The following LRRC4C variants were observed in gnomAD, a reference collection of about 807,000 sequenced individuals.
The protein encoded by LRRC4C is leucine rich repeat containing 4C.
A neutral mutation model predicts 33.6 loss-of-function variants in LRRC4C; 5 were observed. The ratio of observed to expected loss-of-function variants is 0.15; its 90% confidence interval spans 0.08 to 0.31. LRRC4C has a LOEUF of 0.31. Ranked by LOEUF, LRRC4C falls within the 10% of genes least tolerant of loss-of-function variation. LRRC4C has a pLI of 1.00. For synonymous variants in LRRC4C, 329 were observed against 302.0 expected (o/e 1.09, Z -0.93); for missense variants, 560 against 796.7 (o/e 0.70, Z 3.58).
intron 5 of LRRC4C, among the ~76,000 whole-genome samples, chr11:40,169,096 C>T (rs1859835688): frequency 6.6e-6 from 1 of 152,096 alleles, no homozygotes; most frequent in African/African-American, 2.4e-5. Context: ...TGAGTATGCA[C>T]TCTCATTGAC....
chr11:41,333,192 C>T (rs1305383410), intron 1 of LRRC4C, among the ~76,000 whole-genome samples: 1 of 152,032 alleles, frequency 6.6e-6, no homozygotes, highest in Non-Finnish European at 1.5e-5. Flanking sequence ...TCTCTAAATG[C>T]TTTGTAATTG....
chr11:40,151,472 T>C (rs1858203264), intron 5 of LRRC4C, among the ~76,000 whole-genome samples: 1 of 152,182 alleles, frequency 6.6e-6, no homozygotes, highest in Admixed American at 6.5e-5. Context: ...ATTTGTATCA[T>C]CAAAATAATA....
intron 3 of LRRC4C, among the ~76,000 whole-genome samples, chr11:40,607,299 G>C (rs569000594): frequency 6.6e-6 from 1 of 152,084 alleles, no homozygotes; most frequent in African/African-American, 2.4e-5. Context: ...TTCACCTTCC[G>C]GCCTCTGCCC....
chr11:41,065,253 G>C (rs750983783), intron 1 of LRRC4C, among the ~76,000 whole-genome samples: 1 of 152,148 alleles, frequency 6.6e-6, no homozygotes, highest in Non-Finnish European at 1.5e-5. Context: ...TTTTGTAGGT[G>C]GTTTTCCCCT....
chr11:40,263,416 T>G (rs1942011156), intron 4 of LRRC4C, among the ~76,000 whole-genome samples: 1 of 152,174 alleles, frequency 6.6e-6, no homozygotes, highest in African/African-American at 2.4e-5. Flanking sequence ...TTTCAGTATT[T>G]CCCAAGCAAG....
At chr11:41,078,274 CTG>C (rs1261055532) in intron 1 of LRRC4C, among the ~76,000 whole-genome samples, 1 of 152,180 alleles carries the variant, frequency 6.6e-6, no homozygotes, top group Non-Finnish European at 1.5e-5. Context: ...GCCCTCCAAA[CTG>C]TTCCAACTTC....
chr11:41,408,756 A>AAAAAACAAACAAAC (rs1555167143), intron 1 of LRRC4C, among the ~76,000 whole-genome samples: 7 of 140,742 alleles, frequency 5.0e-5, no homozygotes, highest in African/African-American at 1.9e-4. Flanking sequence ...GTAAAAAAAA[A>AAAAAACAAACAAAC]AAAAAAAAAA....
intron 1 of LRRC4C, among the ~76,000 whole-genome samples, chr11:41,285,093 G>C (rs1175273262): frequency 2.0e-5 from 3 of 152,170 alleles, no homozygotes; most frequent in Non-Finnish European, 2.9e-5. Context: ...GCCCTGATCT[G>C]TTTGGTAAAG....
Position 40,257,671 on chromosome 11 carries a change from G to C in LRRC4C, c.-175-16073C>G, listed in dbSNP as rs1867323678. Among the ~76,000 whole-genome samples, 4 of 152,236 alleles carry C rather than the reference G, an allele frequency of 2.6e-5. No homozygotes were observed. In the South Asian group the frequency reaches 8.3e-4, roughly 32 times the overall value. On this transcript the variant is annotated intron_variant, in intron 4 of 6. Coordinates refer to ENST00000528697, the MANE Select transcript of LRRC4C (RefSeq NM_001258419.2). ...CGGCTTAGTAAAGAGTTCTGAGAAAGTTTTCCCTACTTTTAAAAGACTTAA... is the reference window on the plus strand; with the variant it reads ...CGGCTTAGTAAAGAGTTCTGAGAAACTTTTCCCTACTTTTAAAAGACTTAA...
At chr11:41,138,611 C>T (rs566403186) in intron 1 of LRRC4C, among the ~76,000 whole-genome samples, 4 of 152,174 alleles carry the variant, frequency 2.6e-5, no homozygotes, top group Admixed American at 2.0e-4. Flanking sequence ...TATTTATAGG[C>T]CGATCTCTAG....
intron 2 of LRRC4C, among the ~76,000 whole-genome samples, chr11:40,760,158 C>G (rs1473347261): frequency 6.6e-6 from 1 of 151,530 alleles, no homozygotes; most frequent in African/African-American, 2.4e-5. Flanking sequence ...TTTTGTATAA[C>G]TTATAAACTA....
chr11:40,679,853 T>C lies in LRRC4C; in HGVS notation c.-406-31575A>G, dbSNP rs1003201174. Among the ~76,000 whole-genome samples, 6 of 152,162 alleles carry C rather than the reference T, an allele frequency of 3.9e-5. No individual in the cohort carries two copies. The South Asian group carries it at 1.2e-3, about 32-fold the overall frequency. On this transcript the variant is annotated intron_variant, in intron 2 of 6. Transcript: ENST00000528697. ...GGTCAGATCCCCCACACATAATCCC[T>C]ACTGGGGTACTGCCTAGTGAACTGT...
In LRRC4C at chr11:41,224,301, G is replaced by A. The variant is rs141259586; in HGVS notation, c.-496+235130C>T. ...CCCCTCACTATTTCATTGCCAATAA[G>A]AGAAATGACTTATTTTACGGGACTA... On this transcript the variant is annotated intron_variant, in intron 1 of 6. Transcript: ENST00000528697. Among the ~76,000 whole-genome samples the A allele has an allele frequency of 3.3e-5, 5 of 152,170 alleles. 1 individual carries two copies. In the East Asian group the frequency reaches 5.8e-4, roughly 18 times the overall value.
At chr11:40,474,593 T>G (rs970434748) in intron 3 of LRRC4C, among the ~76,000 whole-genome samples, 7 of 152,102 alleles carry the variant, frequency 4.6e-5, no homozygotes, top group Non-Finnish European at 7.3e-5. Flanking sequence ...GGGATCTAAT[T>G]AAACTAAAGA....
At chr11:40,536,749 CA>C (rs1956491564) in intron 3 of LRRC4C, among the ~76,000 whole-genome samples, 1 of 152,042 alleles carries the variant, frequency 6.6e-6, no homozygotes, top group African/African-American at 2.4e-5. Flanking sequence ...TAGGTGAACA[CA>C]ATGCCATCTT....
At chr11:40,305,254 T>C (rs911568721) in intron 4 of LRRC4C, among the ~76,000 whole-genome samples, 4 of 152,206 alleles carry the variant, frequency 2.6e-5, no homozygotes, top group African/African-American at 9.6e-5. Context: ...TATTGCAACA[T>C]TTTAATTTTC....
chr11:41,091,554 A>G (rs1940418239), intron 1 of LRRC4C, among the ~76,000 whole-genome samples: 1 of 152,080 alleles, frequency 6.6e-6, no homozygotes, highest in Admixed American at 6.6e-5. Flanking sequence ...GCAAACTTTG[A>G]TCTTTATGGA....
At chr11:40,251,780 C>G (rs571757721) in intron 4 of LRRC4C, among the ~76,000 whole-genome samples, 52 of 152,254 alleles carry the variant, frequency 3.4e-4, no homozygotes, top group Middle Eastern at 6.8e-3. Flanking sequence ...AATTTCAGTT[C>G]TTAGGATGCA....
chr11:40,745,352 C>A (rs770500141), intron 2 of LRRC4C, among the ~76,000 whole-genome samples: 21 of 151,998 alleles, frequency 1.4e-4, no homozygotes, highest in Non-Finnish European at 2.9e-4. Context: ...GAATGACAGA[C>A]AATGAGAGAG....
Sources: allele counts gnomAD v4.1 joint callset (sites outside exome capture counted in the v4.1 genomes callset), GRCh38; gene constraint gnomAD v4.1.1; transcripts MANE v1.5; gene names NCBI Gene and HGNC (gene_info 2026-07-23, HGNC 2026-07-21).